Variants in PRMT1 observed in about 807,000 individuals in gnomAD.
The protein encoded by PRMT1 is protein arginine N-methyltransferase 1.
In PRMT1, 5 loss-of-function variants were observed where a neutral mutation model predicts 47.4. The ratio of observed to expected loss-of-function variants is 0.11; its 90% confidence interval spans 0.06 to 0.22. The LOEUF (loss-of-function observed/expected upper bound fraction) is 0.22. Among genes scored for constraint, PRMT1 ranks in the 10% least tolerant of loss-of-function variants. The pLI is 1.00. For missense variants in PRMT1, 249 were observed against 518.4 expected, an observed-to-expected ratio of 0.48 and a Z score of 5.05; for synonymous variants, 227 against 204.6, an observed-to-expected ratio of 1.11 and a Z score of -0.94.
chr19:49,679,440 T>A (rs8109314), intron 1 of PRMT1, among the ~76,000 whole-genome samples: 2 of 151,982 alleles, frequency 1.3e-5, no homozygotes, highest in Non-Finnish European at 2.9e-5. Flanking sequence ...TGTGGGCATA[T>A]CCTGCCAGCC....
rs548962242 is a variant in PRMT1, at chr19:49,684,647, C to T, written c.556-107C>T. 7.5e-5 allele frequency: 96 copies of T among 1,279,118 alleles called. No homozygotes were observed. Among genetic ancestry groups the T allele is most frequent in the South Asian group, 4.5e-4 (35 of 77,070 alleles). 79.2% of individuals were successfully genotyped at this position (1,279,118 alleles called of 1,614,324 possible). Reference sequence around the variant, plus strand: ...AGGGGGCGAGGGGTGAGTGCCGCTGCGACATGAGGGTGGCCCAGACCAGGG... The same window carrying T: ...AGGGGGCGAGGGGTGAGTGCCGCTGTGACATGAGGGTGGCCCAGACCAGGG... On this transcript the variant is annotated intron_variant, in intron 6 of 10. Transcript: ENST00000454376. The surrounding 1 kb of genome is among the most constrained non-coding windows in gnomAD (Gnocchi z 6.2).
chr19:49,685,931 C>T lies in PRMT1; in HGVS notation c.760-162C>T. 7.0e-7 allele frequency: 1 copy of T among 1,438,262 alleles called. No individual in the cohort carries two copies. The highest frequency in any genetic ancestry group is 1.5e-5 in the South Asian group (1 of 67,516). The allele number at this position is 1,438,262 out of a possible 1,614,324, so 89.1% of individuals were successfully genotyped here. A position where few individuals can be genotyped will look rare whatever the true frequency, so the allele number is the denominator to read the frequency against. On this transcript the variant is annotated intron_variant, in intron 8 of 10. Transcript: ENST00000454376. This position sits in a 1 kb window ranked among gnomAD's most constrained non-coding sequence, Gnocchi z 4.7. Reference sequence around the variant, plus strand: ...CATGGTTTATTGGGAGCCGGATAGGCAGGATGCAGAGTGAAGGAGGAGCCG... The same window carrying T: ...CATGGTTTATTGGGAGCCGGATAGGTAGGATGCAGAGTGAAGGAGGAGCCG...
At chr19:49,676,851 A>G (rs1411066352), upstream of PRMT1, among the ~76,000 whole-genome samples, 1 of 152,228 alleles carries the variant, frequency 6.6e-6, no homozygotes, top group Non-Finnish European at 1.5e-5. Context: ...GCTTCCGGAT[A>G]AACCAATGGC....
chr19:49,684,816 G>A lies in PRMT1; in HGVS notation c.618G>A (p.Arg206=). 6.2e-7 allele frequency: 1 copy of A among 1,604,190 alleles called. No individual in the cohort carries two copies. The highest frequency in any genetic ancestry group is 2.2e-5 in the East Asian group (1 of 44,490). ...TGTATGTGACGGCCATCGAGGACCG[G>A]CAGTACAAAGACTACAAGATCCACT... ...ATLYVTAIED[R]QYKDYKIHWW... Residue 206 remains arginine, a synonymous_variant, in exon 7 of 11, where the codon CGG becomes CGA. Coordinates refer to ENST00000454376, the MANE Select transcript of PRMT1 (RefSeq NM_001536.6). This position sits in a 1 kb window ranked among gnomAD's most constrained non-coding sequence, Gnocchi z 6.2.
At chr19:49,678,433 G>A (rs1379104579) in intron 1 of PRMT1, among the ~76,000 whole-genome samples, 31 of 152,142 alleles carry the variant, frequency 2.0e-4, no homozygotes, top group Non-Finnish European at 5.9e-5. Flanking sequence ...GGCTGGGGTT[G>A]TCTGGCGGTA....
chr19:49,684,893 G>A lies in PRMT1; in HGVS notation c.644-29G>A, dbSNP rs2082181845. 1.2e-6 allele frequency: 2 copies of A among 1,606,924 alleles called. No homozygotes were observed. The highest frequency in any genetic ancestry group is 8.5e-7 in the Non-Finnish European group (1 of 1,175,170). Reference sequence around the variant, plus strand: ...CGGGGCCTCGGGTGGGCTGCTGCGGGCTCACCCCCTCCCTGCCTGCCTCCC... The same window carrying A: ...CGGGGCCTCGGGTGGGCTGCTGCGGACTCACCCCCTCCCTGCCTGCCTCCC... On this transcript the variant is annotated intron_variant, in intron 7 of 10. Coordinates refer to ENST00000454376, the MANE Select transcript of PRMT1 (RefSeq NM_001536.6). The surrounding 1 kb of genome is among the most constrained non-coding windows in gnomAD (Gnocchi z 6.2).
chr19:49,679,810 C>T, intron 1 of PRMT1, 62 bp from the exon 2 acceptor site: 1 of 1,397,970 alleles, frequency 7.2e-7, no homozygotes, highest in South Asian at 1.2e-5. Flanking sequence ...CAGGTTCCGC[C>T]ACCCAGCCCT....
intron 10 of PRMT1, 21 bp downstream of exon 10, chr19:49,686,747 G>A: frequency 6.2e-7 from 1 of 1,602,766 alleles, no homozygotes; most frequent in Middle Eastern, 1.9e-4. Context: ...GGGCAGCTGG[G>A]TGGGAGGGTG....
At chr19:49,683,634 G>C (rs555718393) in intron 5 of PRMT1, 108 of 276,530 alleles carry the variant, frequency 3.9e-4, no homozygotes, top group African/African-American at 2.4e-3. Flanking sequence ...GTTGCAGTGA[G>C]CTGAGATCAC....
At chr19:49,677,159 A>G (rs1418831523), upstream of PRMT1, 2 of 986,388 alleles carry the variant, frequency 2.0e-6, no homozygotes, top group Non-Finnish European at 2.7e-6. Flanking sequence ...TCCATTGCCA[A>G]TGAAATCTTC....
intron 10 of PRMT1, among the ~76,000 whole-genome samples, chr19:49,687,376 G>A (rs1357247035): frequency 6.6e-6 from 1 of 152,026 alleles, no homozygotes; most frequent in Non-Finnish European, 1.5e-5. Context: ...GGTCTGGGTT[G>A]GAAAAGTGGG....
intron 5 of PRMT1, among the ~76,000 whole-genome samples, chr19:49,683,321 C>T (rs1246701475): frequency 1.3e-5 from 2 of 152,062 alleles, no homozygotes; most frequent in Admixed American, 6.6e-5. Flanking sequence ...CTGCTTGTGT[C>T]TTATCTAATA....
upstream of PRMT1, chr19:49,677,212 G>A: frequency 7.3e-7 from 1 of 1,371,366 alleles, no homozygotes; most frequent in Non-Finnish European, 9.5e-7. Flanking sequence ...TCTGGTATAA[G>A]GCGGTCCCGG....
Position 49,688,420 on chromosome 19 carries a change from C to T in PRMT1, c.*175C>T. The T allele has an allele frequency of 1.6e-6, 1 of 632,544 alleles. No homozygotes were observed. The highest frequency in any genetic ancestry group is 2.7e-5 in the Admixed American group (1 of 36,550). 39.2% of individuals were successfully genotyped at this position (632,544 alleles called of 1,614,324 possible). On this transcript the variant is annotated 3_prime_UTR_variant, in exon 11 of 11. Coordinates refer to ENST00000454376, the MANE Select transcript of PRMT1 (RefSeq NM_001536.6). This position sits in a 1 kb window ranked among gnomAD's most constrained non-coding sequence, Gnocchi z 5.3. Reference sequence around the variant, plus strand: ...CATAACTTATGTTTTTATATGGTTGCATTTACGCCAATAAATCCTCAGCTG... The same window carrying T: ...CATAACTTATGTTTTTATATGGTTGTATTTACGCCAATAAATCCTCAGCTG...
In PRMT1 at chr19:49,684,798, G is replaced by A; in HGVS notation, c.600G>A (p.Val200=). ...LIFPDRATLY[V]TAIEDRQYKD... is the part of the protein sequence containing the mutation. Reference sequence around the variant, plus strand: ...TCCCAGACCGGGCCACGCTGTATGTGACGGCCATCGAGGACCGGCAGTACA... The same window carrying A: ...TCCCAGACCGGGCCACGCTGTATGTAACGGCCATCGAGGACCGGCAGTACA... Residue 200 remains valine (V), a synonymous_variant, in exon 7 of 11, where the codon GTG becomes GTA. Transcript: ENST00000454376. This position sits in a 1 kb window ranked among gnomAD's most constrained non-coding sequence, Gnocchi z 6.2. The A allele has an allele frequency of 1.9e-6, 3 of 1,585,614 alleles. No individual in the cohort carries two copies. Among genetic ancestry groups the A allele is most frequent in the Non-Finnish European group, 2.6e-6 (3 of 1,165,884 alleles).
chr19:49,679,698 T>C (rs1440595494), intron 1 of PRMT1, 174 bp from the exon 2 acceptor site: 1 of 667,996 alleles, frequency 1.5e-6, no homozygotes, highest in African/African-American at 1.8e-5. Context: ...CCCCTCACTT[T>C]TCCCACCCTT....
chr19:49,683,119 A>G (rs2082145215), intron 5 of PRMT1, among the ~76,000 whole-genome samples: 1 of 149,886 alleles, frequency 6.7e-6, no homozygotes, highest in African/African-American at 2.5e-5. Context: ...TGGTTTCACC[A>G]TGTTGGCCAG....
At chr19:49,687,004 C>T (rs1043354367) in intron 10 of PRMT1, among the ~76,000 whole-genome samples, 2 of 152,082 alleles carry the variant, frequency 1.3e-5, no homozygotes, top group African/African-American at 4.8e-5. Context: ...CTGGTGCTTC[C>T]ACTCTAGACA....
In PRMT1 at chr19:49,685,688, C is replaced by A; in HGVS notation, c.760-405C>A. On this transcript the variant is annotated intron_variant, in intron 8 of 10. Coordinates refer to ENST00000454376, the MANE Select transcript of PRMT1 (RefSeq NM_001536.6). The surrounding 1 kb of genome is among the most constrained non-coding windows in gnomAD (Gnocchi z 4.7). The stretch of plus-strand genomic sequence containing the variant: ...GAGGAGACTACAGGGGCAGGGACCC[C>A]ACTCGGGCCACCCTCCTGAGAGCCA... 2 of 1,036,294 alleles carry A rather than the reference C, an allele frequency of 1.9e-6. No homozygotes were observed. The highest frequency in any genetic ancestry group is 3.4e-5 in the African/African-American group (2 of 58,624). The allele number at this position is 1,036,294 out of a possible 1,614,324, so 64.2% of individuals were successfully genotyped here. A position where few individuals can be genotyped will look rare whatever the true frequency, so the allele number is the denominator to read the frequency against.
Sources: gnomAD v4.1 joint callset for allele counts (sites outside exome capture counted in the v4.1 genomes callset) on GRCh38, gnomAD v4.1.1 for gene constraint, Gnocchi (gnomAD v3.1) non-coding constraint, MANE v1.5 for transcripts, NCBI Gene and HGNC (gene_info 2026-07-23, HGNC 2026-07-21) for gene names.